PCP4: variants seen among roughly 807,000 people sequenced by gnomAD.
PCP4 encodes Purkinje cell protein 4, also known as calmodulin regulator protein PCP4.
A neutral mutation model predicts 10.0 loss-of-function variants in PCP4; 8 were observed. The ratio of observed to expected loss-of-function variants is 0.80; its 90% CI spans 0.47 to 1.45. The LOEUF (loss-of-function observed/expected upper bound fraction) is 1.45, where lower values mean the gene tolerates loss of function less well. Ranked by LOEUF, PCP4 falls within the 40% of genes most tolerant of loss-of-function variation. The probability of loss-of-function intolerance (pLI) is 0.00; values close to 1 mark genes in which losing one functional copy is unlikely to be tolerated. For synonymous variants in PCP4, 21 were observed against 23.0 expected, an observed-to-expected ratio of 0.91 and a Z score of 0.24; for missense variants, 54 against 74.4, an observed-to-expected ratio of 0.73 and a Z score of 1.01.
Position 39,884,800 on chromosome 21 carries a change from AAGAG to A in PCP4, c.10-13656_10-13653del, listed in dbSNP as rs3988433. 4.6e-4 allele frequency among the ~76,000 whole-genome samples: 68 copies of A among 149,094 alleles called. 1 individual carries two copies. The highest frequency in any genetic ancestry group is 3.6e-3 in the Admixed American group (54 of 14,984). On this transcript the variant is annotated intron_variant, in intron 1 of 2. Coordinates refer to ENST00000328619, the MANE Select transcript of PCP4 (RefSeq NM_006198.3). ...GTGACAGAGGAGACTCCGTCTTAAA[AAGAG>A]AGAGAGAGAGAGAGAGAGACAGAGA...
At chr21:39,877,034 A>G (rs1831918399) in intron 1 of PCP4, among the ~76,000 whole-genome samples, 1 of 152,260 alleles carries the variant, frequency 6.6e-6, no homozygotes, top group Admixed American at 6.5e-5. Flanking sequence ...GTGTCCAACG[A>G]TGAATCTTGT....
At chr21:39,925,519 C>T (rs767351054) in intron 2 of PCP4, among the ~76,000 whole-genome samples, 3 of 152,190 alleles carry the variant, frequency 2.0e-5, no homozygotes, top group Non-Finnish European at 2.9e-5. Flanking sequence ...CACGCTCTAG[C>T]GTAGAAGACC....
intron 1 of PCP4, among the ~76,000 whole-genome samples, chr21:39,888,550 A>G (rs1056880968): frequency 6.6e-6 from 1 of 152,190 alleles, no homozygotes; most frequent in Admixed American, 6.5e-5. Flanking sequence ...AGTGATACGC[A>G]GCTGGTGGGG....
At chr21:39,901,063 C>A (rs1276423878) in intron 2 of PCP4, among the ~76,000 whole-genome samples, 1 of 152,186 alleles carries the variant, frequency 6.6e-6, no homozygotes, top group Non-Finnish European at 1.5e-5. Context: ...CTGCAACTCT[C>A]TTTAAAGTCT....
At chr21:39,884,098 A>G (rs1388715838) in intron 1 of PCP4, among the ~76,000 whole-genome samples, 1 of 152,028 alleles carries the variant, frequency 6.6e-6, no homozygotes, top group Non-Finnish European at 1.5e-5. Flanking sequence ...TTTGAGGTTA[A>G]GTTTATTAAG....
chr21:39,894,107 A>G (rs1247527703), intron 1 of PCP4, among the ~76,000 whole-genome samples: 3 of 152,166 alleles, frequency 2.0e-5, no homozygotes, highest in Non-Finnish European at 4.4e-5. Flanking sequence ...GATGATCAGG[A>G]GAAGAATGAG....
At chr21:39,895,685 G>A (rs561782543) in intron 1 of PCP4, among the ~76,000 whole-genome samples, 4 of 152,230 alleles carry the variant, frequency 2.6e-5, no homozygotes, top group Admixed American at 1.3e-4. Context: ...CCCCATCAGG[G>A]ATGCTGTCAG....
chr21:39,904,772 G>A (rs904031306), intron 2 of PCP4, among the ~76,000 whole-genome samples: 2 of 152,158 alleles, frequency 1.3e-5, no homozygotes, highest in African/African-American at 4.8e-5. Context: ...GCCAGAGGGT[G>A]CAGGTGTCTG....
At chr21:39,870,266 G>A (rs11910923) in intron 1 of PCP4, among the ~76,000 whole-genome samples, 23,223 of 152,298 alleles carry the variant, frequency 0.15, 1,928 homozygotes, top group Middle Eastern at 0.21. Context: ...GTAAAGTACA[G>A]CGAGGAAAGT....
chr21:39,898,271 T>C (rs2087466889), intron 1 of PCP4: 8 of 618,772 alleles, frequency 1.3e-5, no homozygotes, highest in South Asian at 1.2e-4. Context: ...TGGATGTGGA[T>C]GAGGGGGCCG....
intron 2 of PCP4, among the ~76,000 whole-genome samples, chr21:39,902,428 G>T (rs917818370): frequency 1.1e-4 from 17 of 152,272 alleles, no homozygotes; most frequent in African/African-American, 3.8e-4. Context: ...ACTTCAGAAG[G>T]TATTTAGATT....
intron 2 of PCP4, among the ~76,000 whole-genome samples, chr21:39,928,228 A>G (rs550461851): frequency 6.6e-6 from 1 of 152,138 alleles, no homozygotes; most frequent in Admixed American, 6.5e-5. Context: ...AAAGACATTT[A>G]CCTTCCACGA....
chr21:39,875,499 A>C (rs1167253764), intron 1 of PCP4, among the ~76,000 whole-genome samples: 1 of 152,208 alleles, frequency 6.6e-6, no homozygotes, highest in East Asian at 1.9e-4. Context: ...TGGAAATAGC[A>C]ACAAGCAAAA....
intron 2 of PCP4, among the ~76,000 whole-genome samples, chr21:39,925,649 C>T (rs1210676827): frequency 6.6e-6 from 1 of 152,150 alleles, no homozygotes; most frequent in Non-Finnish European, 1.5e-5. Flanking sequence ...CGGGGAATGT[C>T]CTCTCCTAGG....
At chr21:39,920,532 G>T (rs1332038817) in intron 2 of PCP4, among the ~76,000 whole-genome samples, 3 of 152,020 alleles carry the variant, frequency 2.0e-5, no homozygotes, top group Non-Finnish European at 4.4e-5. Context: ...ATTTATTGCT[G>T]GTTCCTCCAA....
intron 1 of PCP4, among the ~76,000 whole-genome samples, chr21:39,880,881 T>A (rs2087372391): frequency 6.6e-6 from 1 of 152,218 alleles, no homozygotes; most frequent in Non-Finnish European, 1.5e-5. Flanking sequence ...TGGAATTGGG[T>A]TTGTTTTCCA....
intron 1 of PCP4, among the ~76,000 whole-genome samples, chr21:39,879,278 C>T (rs893311923): frequency 6.6e-6 from 1 of 152,152 alleles, no homozygotes; most frequent in African/African-American, 2.4e-5. Context: ...CATTAAGCCA[C>T]CAATCCTGGC....
At chr21:39,868,190 C>A (rs2087303200) in intron 1 of PCP4, among the ~76,000 whole-genome samples, 1 of 152,180 alleles carries the variant, frequency 6.6e-6, no homozygotes, top group South Asian at 2.1e-4. Context: ...TTTCTAAAAT[C>A]ATCTTCTCCT....
intron 1 of PCP4, among the ~76,000 whole-genome samples, chr21:39,869,592 C>T (rs2087310113): frequency 6.6e-6 from 1 of 152,194 alleles, no homozygotes; most frequent in Non-Finnish European, 1.5e-5. Context: ...CACATGAGGC[C>T]TCCTCCCTCT....
Sources: gnomAD v4.1 joint callset for allele counts (sites outside exome capture counted in the v4.1 genomes callset) on GRCh38, gnomAD v4.1.1 for gene constraint, MANE v1.5 for transcripts, NCBI Gene and HGNC (gene_info 2026-07-23, HGNC 2026-07-21) for gene names.